Variants in MUC5B observed in about 807,000 individuals in gnomAD.
The protein encoded by MUC5B is mucin-5B.
A neutral mutation model predicts 376.9 loss-of-function variants in MUC5B; 116 were observed. That is an observed-to-expected ratio of 0.31 (90% confidence interval 0.26 to 0.36). The LOEUF (loss-of-function observed/expected upper bound fraction) is 0.36, where lower values mean the gene tolerates loss of function less well. Ranked by LOEUF, MUC5B falls within the 10% of genes least tolerant of loss-of-function variation. The pLI, the probability that MUC5B is intolerant of heterozygous loss-of-function variation, is 1.00. For missense variants in MUC5B, 7,165 were observed against 7,769.9 expected (o/e 0.92, Z 2.93); for synonymous variants, 3,517 against 3,390.9 (o/e 1.04, Z -1.29).
Position 1,242,952 on chromosome 11 carries a change from C to G in MUC5B, c.6072C>G (p.Thr2024=). Residue 2024 remains threonine, a synonymous_variant, in exon 31 of 49, where the codon ACC becomes ACG. Transcript: ENST00000529681. ...CTGCCCACACCTCCACAGTGCTTAC[C>G]GCCACGGCCACCACAACTGGGGCCA... is the stretch of plus-strand genomic sequence containing the variant. ...PETAHTSTVL[T]ATATTTGATG... 6.2e-7 allele frequency: 1 copy of G among 1,613,100 alleles called. No homozygotes were observed. Among genetic ancestry groups the G allele is most frequent in the South Asian group, 1.1e-5 (1 of 90,994 alleles).
Position 1,234,797 on chromosome 11 carries a change from C to T in MUC5B, c.2630+117C>T. The T allele has an allele frequency of 1.8e-6, 2 of 1,110,212 alleles. No individual in the cohort carries two copies. Among genetic ancestry groups the T allele is most frequent in the African/African-American group, 1.6e-5 (1 of 63,196 alleles). 68.8% of individuals were successfully genotyped at this position (1,110,212 alleles called of 1,614,324 possible). ...GCGGGGAGGGCAGGGGGCCAGCTGG[C>T]CAGGGTGAGGTGGGGCCGTGGCAGG... On this transcript the variant is annotated intron_variant, in intron 21 of 48. Coordinates refer to ENST00000529681, the MANE Select transcript of MUC5B (RefSeq NM_002458.3). The surrounding 1 kb of genome is among the most constrained non-coding windows in gnomAD (Gnocchi z 6.3).
At chr11:1,224,622 G>T (rs1477773679) in intron 1 of MUC5B, among the ~76,000 whole-genome samples, 1 of 151,816 alleles carries the variant, frequency 6.6e-6, no homozygotes, top group East Asian at 1.9e-4. Context: ...GGGAGCCGGG[G>T]CGTGGGAGTG....
Position 1,243,727 on chromosome 11 carries a change from A to T in MUC5B, c.6847A>T (p.Thr2283Ser). Residue 2283 changes from threonine (T) to serine (S), a missense_variant, in exon 31 of 49, where the codon ACA becomes TCA. This residue lies in a region of MUC5B where 79 missense variants were observed against 63.0 expected (regional missense o/e 1.25). Transcript: ENST00000529681. ...PGHTTATSRT[T>S]ATATPSKTRT... ...CCACACCACGGCCACCTCCAGGACC[A>T]CAGCCACGGCCACACCCAGCAAGAC... 1 of 1,561,774 alleles carries T rather than the reference A, an allele frequency of 6.4e-7. No homozygotes were observed.
chr11:1,245,953 C>T lies in MUC5B; in HGVS notation c.9073C>T (p.Leu3025=). 1.9e-6 allele frequency: 3 copies of T among 1,613,164 alleles called. No individual in the cohort carries two copies. The South Asian group carries it at 3.3e-5, about 18-fold the overall frequency. Residue 3025 remains leucine (L), a synonymous_variant, in exon 31 of 49, where the codon CTG becomes TTG. Transcript: ENST00000529681. ...GGGAACAGCTCCCCCTCCCAAAGTG[C>T]TGACCAGCACGGCCACCACACCCAC... is the stretch of plus-strand genomic sequence containing the variant. ...TPGTAPPPKV[L]TSTATTPTAT...
intron 14 of MUC5B, among the ~76,000 whole-genome samples, 153 bp from the exon 15 acceptor site, chr11:1,231,843 C>T (rs879579194): frequency 2.6e-5 from 4 of 152,212 alleles, no homozygotes; most frequent in East Asian, 1.9e-4. Flanking sequence ...GGGCGCCCCC[C>T]GCCAGGGCTT....
Position 1,248,351 on chromosome 11 carries a change from C to T in MUC5B, c.11471C>T (p.Pro3824Leu), listed in dbSNP as rs1862556950. Residue 3824 changes from proline (P) to leucine (L), a missense_variant, in exon 31 of 49, where the codon CCC (proline) becomes CTC (leucine). Transcript: ENST00000529681. ...TPTATMSTAT[P>L]SSTPETAHTS... is the part of the protein sequence containing the mutation. The stretch of plus-strand genomic sequence containing the variant: ...ACGGCCACCATGTCCACAGCCACAC[C>T]CTCCTCCACTCCAGAGACTGCCCAC... 12 of 1,612,688 alleles carry T rather than the reference C, an allele frequency of 7.4e-6. No individual in the cohort carries two copies. Among genetic ancestry groups the T allele is most frequent in the African/African-American group, 4.0e-5 (3 of 74,564 alleles).
chr11:1,230,781 CG>C (rs1223513817), intron 12 of MUC5B, among the ~76,000 whole-genome samples, 154 bp from the exon 13 acceptor site: 1 of 151,740 alleles, frequency 6.6e-6, no homozygotes, highest in Admixed American at 6.6e-5. Context: ...CAGGTCCTCC[CG>C]GGGGGGCAAT....
rs550600808 is a variant in MUC5B at position 1,249,711 on chromosome 11, C to G, written c.12831C>G (p.Pro4277=). ...CGTCCTCCACCCCGGGAACAGCTCC[C>G]CCTCCCAAAGTGCTGACCAGCCCGG... The part of the protein sequence containing the change: ...ATPSSTPGTA[P]PPKVLTSPAT... Residue 4277 remains proline, a synonymous_variant, in exon 31 of 49, where the codon CCC becomes CCG. Coordinates refer to ENST00000529681, the MANE Select transcript of MUC5B (RefSeq NM_002458.3). 4.9e-5 allele frequency: 79 copies of G among 1,609,220 alleles called. 1 individual carries two copies. In the East Asian group the frequency reaches 1.4e-3, roughly 28 times the overall value.
In MUC5B at chr11:1,231,022, G is replaced by T. The variant is rs760705727; in HGVS notation, c.1540+17G>T. 3.8e-6 allele frequency: 6 copies of T among 1,575,334 alleles called. No individual in the cohort carries two copies. Among genetic ancestry groups the T allele is most frequent in the South Asian group, 1.2e-5 (1 of 86,046 alleles). Reference sequence around the variant, plus strand: ...TGTCGGCAGGTATGTGGCTCTCCCAGGACGGCCGGGCTGGGTGGCGCCTGC... The same window carrying T: ...TGTCGGCAGGTATGTGGCTCTCCCATGACGGCCGGGCTGGGTGGCGCCTGC... On this transcript the variant is annotated intron_variant, in intron 13 of 48. Coordinates refer to ENST00000529681, the MANE Select transcript of MUC5B (RefSeq NM_002458.3).
chr11:1,236,808 C>A lies in MUC5B; in HGVS notation c.3058-117C>A, dbSNP rs1862167448. ...AGTTCACCAGGCACTGCCTGGGGAA[C>A]CGGCTGCCCTCCCTCCATCCCCCGA... On this transcript the variant is annotated intron_variant, in intron 24 of 48. Coordinates refer to ENST00000529681, the MANE Select transcript of MUC5B (RefSeq NM_002458.3). 2.3e-6 allele frequency: 3 copies of A among 1,302,240 alleles called. No individual in the cohort carries two copies. In the South Asian group the frequency reaches 5.3e-5, roughly 23 times the overall value. 80.7% of individuals were successfully genotyped at this position (1,302,240 alleles called of 1,614,324 possible).
rs747902026 is a variant in MUC5B, at chr11:1,251,171, T to A, written c.14291T>A (p.Val4764Asp). The change falls in exon 31 of 49, where the codon GTC becomes GAC. Residue 4764 changes from valine (V) to aspartate (D), a missense_variant. Val to Asp is a radical substitution (Grantham distance 152, BLOSUM62 -3). Coordinates refer to ENST00000529681, the MANE Select transcript of MUC5B (RefSeq NM_002458.3). ...TCCACCCTGTGGACCACGTGGACCG[T>A]CCCAGCACAGACCACCACACCCATG... ...PSSTLWTTWT[V>D]PAQTTTPMST... 22 of 1,609,210 alleles carry A rather than the reference T, an allele frequency of 1.4e-5. 2 individuals carry two copies. Among genetic ancestry groups the A allele is most frequent in the Non-Finnish European group, 1.8e-5 (21 of 1,177,636 alleles).
At chr11:1,256,117 C>T (rs1862828218) in intron 37 of MUC5B, 39 bp from the exon 38 acceptor site, 2 of 709,934 alleles carry the variant, frequency 2.8e-6, no homozygotes, top group Non-Finnish European at 5.2e-6. Context: ...TGGGCCCCCC[C>T]AACCCCTTGG....
Position 1,234,440 on chromosome 11 carries a change from G to A in MUC5B, c.2479-89G>A. 1.3e-6 allele frequency: 2 copies of A among 1,518,012 alleles called. No individual in the cohort carries two copies. Among genetic ancestry groups the A allele is most frequent in the South Asian group, 2.5e-5 (2 of 80,988 alleles). The allele number at this position is 1,518,012 out of a possible 1,614,324, so 94.0% of individuals were successfully genotyped here. A position where few individuals can be genotyped will look rare whatever the true frequency, so the allele number is the denominator to read the frequency against. On this transcript the variant is annotated intron_variant, in intron 20 of 48. Coordinates refer to ENST00000529681, the MANE Select transcript of MUC5B (RefSeq NM_002458.3). This position sits in a 1 kb window ranked among gnomAD's most constrained non-coding sequence, Gnocchi z 6.3. ...CGCCCTGGCCCATGCGTTGCCCTGG[G>A]TGCTGCTGGGTGCGCCTGTCCCAGA...
Position 1,238,987 on chromosome 11 carries a change from C to G in MUC5B, c.3414C>G (p.Asp1138Glu). The change falls in exon 26 of 49, where the codon GAC becomes GAG. Residue 1138 changes from aspartate to glutamate, a missense_variant. Around this residue, in one of 31 missense-constraint regions of MUC5B, gnomAD observed 143 missense variants for 193.2 expected, o/e 0.74. Coordinates refer to ENST00000529681, the MANE Select transcript of MUC5B (RefSeq NM_002458.3). ...AVAAYAQACH[D>E]AGLCVSWRTP... ...CTGCCTACGCCCAGGCCTGCCACGA[C>G]GCGGGCCTGTGTGTGTCCTGGCGGA... 2 of 1,571,234 alleles carry G rather than the reference C, an allele frequency of 1.3e-6. No homozygotes were observed. The highest frequency in any genetic ancestry group is 1.7e-6 in the Non-Finnish European group (2 of 1,159,024).
In MUC5B at chr11:1,243,446, C is replaced by T; in HGVS notation, c.6566C>T (p.Pro2189Leu). Reference sequence around the variant, plus strand: ...GCCCTAGGGACCACCCACACACCCCCAGTGCCGAACACCATGGCCACCACA... The same window carrying T: ...GCCCTAGGGACCACCCACACACCCCTAGTGCCGAACACCATGGCCACCACA... ...SSALGTTHTPPVPNTMATTHG... is the reference protein window; with the variant it reads ...SSALGTTHTPLVPNTMATTHG... Residue 2189 changes from proline to leucine, a missense_variant, in exon 31 of 49, where the codon CCA becomes CTA. This residue lies in a region of MUC5B where 67 missense variants were observed against 103.0 expected (regional missense o/e 0.65). Transcript: ENST00000529681. The T allele has an allele frequency of 1.4e-6, 2 of 1,457,142 alleles. No homozygotes were observed. The highest frequency in any genetic ancestry group is 1.2e-5 in the South Asian group (1 of 85,462). 90.3% of individuals were successfully genotyped at this position (1,457,142 alleles called of 1,614,324 possible).
In MUC5B at chr11:1,252,466, C is replaced by G; in HGVS notation, c.14987C>G (p.Ala4996Gly). 6.2e-7 allele frequency: 1 copy of G among 1,603,704 alleles called. No individual in the cohort carries two copies. Among genetic ancestry groups the G allele is most frequent in the Non-Finnish European group, 8.5e-7 (1 of 1,175,442 alleles). ...ACCTCCCCACCGCCAGTGTCCTCCG[C>G]CCCGCTGTCCTCGCCCTCCCCTGCC... Reference protein sequence around the residue: ...CPTSPPPVSSAPLSSPSPAPG... With the variant: ...CPTSPPPVSSGPLSSPSPAPG... The change falls in exon 32 of 49, where the codon GCC becomes GGC. Residue 4996 changes from alanine to glycine, a missense_variant. By Grantham distance (60) the Ala-to-Gly change is moderately conservative (BLOSUM62 0). Coordinates refer to ENST00000529681, the MANE Select transcript of MUC5B (RefSeq NM_002458.3).
intron 30 of MUC5B, 29 bp from the exon 31 acceptor site, chr11:1,240,822 C>T (rs1862263515): frequency 1.3e-6 from 2 of 1,574,030 alleles, no homozygotes; most frequent in South Asian, 1.2e-5. Flanking sequence ...GGATGCTGAG[C>T]CAGGACCCCT....
rs1862424357 is a variant in MUC5B at position 1,245,299 on chromosome 11, C to T, written c.8419C>T (p.Pro2807Ser). The stretch of plus-strand genomic sequence containing the variant: ...CACCGGTACCACCCAGCACTCGACT[C>T]CAGCCCTGTCCAGCCCTCACCCTAG... ...ATTGTTQHST[P>S]ALSSPHPSSR... The change falls in exon 31 of 49, where the codon CCA becomes TCA. Residue 2807 changes from proline (P) to serine (S), a missense_variant. By Grantham distance (74) the Pro-to-Ser change is moderately conservative (BLOSUM62 -1). This residue lies in a region of MUC5B where 50 missense variants were observed against 66.4 expected (regional missense o/e 0.75). Transcript: ENST00000529681. The T allele has an allele frequency of 6.3e-7, 1 of 1,596,576 alleles. No homozygotes were observed. Among genetic ancestry groups the T allele is most frequent in the African/African-American group, 1.4e-5 (1 of 72,290 alleles).
At chr11:1,232,322 C>A in intron 15 of MUC5B, 128 bp from the exon 16 acceptor site, 1 of 1,355,816 alleles carries the variant, frequency 7.4e-7, no homozygotes, top group South Asian at 1.4e-5. Context: ...CCAGAACCCC[C>A]CAAGGCGCAG....
Sources: gnomAD v4.1 joint callset for allele counts (sites outside exome capture counted in the v4.1 genomes callset) on GRCh38, gnomAD v4.1.1 for gene constraint, gnomAD v4.1.1 regional missense constraint, Gnocchi (gnomAD v3.1) non-coding constraint, MANE v1.5 for transcripts, NCBI Gene and HGNC (gene_info 2026-07-23, HGNC 2026-07-21) for gene names.